The following BRD10 variants were observed in gnomAD, a reference collection of about 807,000 sequenced individuals.
BRD10 encodes bromodomain containing 10.
At chr9:5,929,928 G>A in the BRD10 span, among the ~76,000 whole-genome samples, 2,346 of 152,176 alleles carry the variant, frequency 0.015, 31 homozygotes, top group Non-Finnish European at 0.023. Flanking sequence ...CAAGCTCTTA[G>A]AACCACATCA....
the BRD10 span, among the ~76,000 whole-genome samples, chr9:5,985,613 C>G: frequency 6.6e-6 from 1 of 151,996 alleles, no homozygotes; most frequent in Non-Finnish European, 1.5e-5. Context: ...TGGAGAAACC[C>G]CATCTCTACT....
the BRD10 span, among the ~76,000 whole-genome samples, chr9:5,992,094 G>A: frequency 3.2e-4 from 49 of 152,236 alleles, no homozygotes; most frequent in African/African-American, 1.2e-3. Context: ...TTTAATAAAC[G>A]ATACCCTATC....
the BRD10 span, among the ~76,000 whole-genome samples, chr9:5,997,441 GT>G: frequency 3.3e-5 from 5 of 149,336 alleles, no homozygotes; most frequent in East Asian, 2.0e-4. Context: ...GAAAAAATGG[GT>G]TTTTTTTTTG....
At chr9:5,928,077 C>G in the BRD10 span, among the ~76,000 whole-genome samples, 12 of 152,100 alleles carry the variant, frequency 7.9e-5, no homozygotes, top group Non-Finnish European at 1.5e-4. Context: ...CTTGAGTTTC[C>G]CCTATCTCAG....
the BRD10 span, among the ~76,000 whole-genome samples, chr9:5,967,462 G>A: frequency 6.6e-6 from 1 of 151,902 alleles, no homozygotes; most frequent in Non-Finnish European, 1.5e-5. Context: ...ACAGAAATAT[G>A]CTTCATGTCT....
At chr9:5,939,537 C>A in the BRD10 span, among the ~76,000 whole-genome samples, 1 of 152,220 alleles carries the variant, frequency 6.6e-6, no homozygotes, top group South Asian at 2.1e-4. Context: ...CAAGTTCCAT[C>A]AAGTACAAGT....
the BRD10 span, among the ~76,000 whole-genome samples, chr9:5,947,739 A>G: frequency 0.89 from 135,926 of 152,022 alleles, 61,644 homozygotes; most frequent in Non-Finnish European, 0.99. Context: ...TTCTGCCTCC[A>G]AAATAAGGCA....
At chr9:5,920,809 T>A in the BRD10 span, 4 of 1,613,914 alleles carry the variant, frequency 2.5e-6, no homozygotes, top group Non-Finnish European at 3.4e-6. Context: ...GAGACACTAC[T>A]GGTTGTGTAG....
the BRD10 span, among the ~76,000 whole-genome samples, chr9:5,966,889 C>G: frequency 6.6e-5 from 10 of 152,206 alleles, no homozygotes; most frequent in South Asian, 2.1e-4. Flanking sequence ...TTTTCACCAC[C>G]TGGATCAATG....
the BRD10 span, among the ~76,000 whole-genome samples, chr9:5,951,674 T>C: frequency 6.6e-6 from 1 of 152,238 alleles, no homozygotes; most frequent in African/African-American, 2.4e-5. Flanking sequence ...ATAATAGTCT[T>C]CTTACATGTG....
the BRD10 span, chr9:5,968,223 G>A: frequency 6.2e-7 from 1 of 1,612,478 alleles, no homozygotes; most frequent in East Asian, 2.2e-5. Context: ...TTGTGGCTCT[G>A]TAGTGACTGC....
the BRD10 span, among the ~76,000 whole-genome samples, chr9:5,884,682 G>T: frequency 6.6e-6 from 1 of 152,142 alleles, no homozygotes; most frequent in Admixed American, 6.5e-5. Flanking sequence ...CAAGAATCTG[G>T]GGTGGCTCTA....
chr9:5,920,765 A>T, the BRD10 span: 1 of 1,614,018 alleles, frequency 6.2e-7, no homozygotes. Flanking sequence ...GGCAACCGTA[A>T]CAGGAATTTG....
chr9:5,920,237 C>T, the BRD10 span: 3 of 1,613,848 alleles, frequency 1.9e-6, no homozygotes, highest in East Asian at 6.7e-5. Flanking sequence ...TAAGGGGGCT[C>T]CATATTTTGG....
At chr9:5,947,683 T>A in the BRD10 span, among the ~76,000 whole-genome samples, 1 of 152,072 alleles carries the variant, frequency 6.6e-6, no homozygotes, top group African/African-American at 2.4e-5. Context: ...ACACAATTAG[T>A]TTGACTTATG....
chr9:5,916,972 G>A, the BRD10 span, among the ~76,000 whole-genome samples: 1 of 152,262 alleles, frequency 6.6e-6, no homozygotes, highest in South Asian at 2.1e-4. Flanking sequence ...AGGAATTTGG[G>A]TTTTTGAAGA....
the BRD10 span, among the ~76,000 whole-genome samples, chr9:5,943,711 A>G: frequency 6.6e-6 from 1 of 152,150 alleles, no homozygotes; most frequent in African/African-American, 2.4e-5. Context: ...AAGAATCTAA[A>G]CCATTTTTAA....
the BRD10 span, among the ~76,000 whole-genome samples, chr9:5,969,771 C>G: frequency 6.6e-6 from 1 of 152,140 alleles, no homozygotes; most frequent in African/African-American, 2.4e-5. Context: ...GTCTCAAACT[C>G]CTGACCTCAG....
the BRD10 span, among the ~76,000 whole-genome samples, chr9:5,886,831 T>C: frequency 6.6e-6 from 1 of 152,162 alleles, no homozygotes; most frequent in Admixed American, 6.5e-5. Context: ...GAACCCCTAT[T>C]TGAAGAAGCG....
Sources: gnomAD v4.1 joint callset for allele counts (sites outside exome capture counted in the v4.1 genomes callset) on GRCh38, gnomAD v4.1.1 for gene constraint, MANE v1.5 for transcripts, NCBI Gene and HGNC (gene_info 2026-07-23, HGNC 2026-07-21) for gene names.